GALNT13: variants seen among roughly 807,000 people sequenced by gnomAD.
GALNT13 encodes UDP-GalNAc:polypeptide N-acetylgalactosaminyltransferase 13.
In GALNT13, 28 loss-of-function variants were observed where a neutral mutation model predicts 64.2. The ratio of observed to expected loss-of-function variants is 0.44; its 90% CI spans 0.32 to 0.60. GALNT13 has a LOEUF of 0.60. Among genes scored for constraint, GALNT13 ranks in the 20% least tolerant of loss-of-function variants. The pLI, the probability that GALNT13 is intolerant of heterozygous loss-of-function variation, is 0.05. For synonymous variants in GALNT13, 214 were observed against 224.6 expected, an observed-to-expected ratio of 0.95 and a Z score of 0.42; for missense variants, 577 against 669.8, an observed-to-expected ratio of 0.86 and a Z score of 1.53.
At chr2:154,409,145 GGA>G in intron 11 of GALNT13, 63 bp downstream of exon 11, 1 of 971,368 alleles carries the variant, frequency 1.0e-6, no homozygotes, top group Non-Finnish European at 1.7e-6. Flanking sequence ...AACTATCAGT[GGA>G]GACCATGGCT....
chr2:153,773,590 T>G, the GALNT13 span, among the ~76,000 whole-genome samples: 1 of 152,142 alleles, frequency 6.6e-6, no homozygotes, highest in South Asian at 2.1e-4. Context: ...TTTTTCTAGG[T>G]TTTTTTTCTC....
chr2:153,097,403 T>C, the GALNT13 span, among the ~76,000 whole-genome samples: 1 of 152,318 alleles, frequency 6.6e-6, no homozygotes, highest in African/African-American at 2.4e-5. Context: ...AATGGGATGA[T>C]TGATGGAGCT....
the GALNT13 span, among the ~76,000 whole-genome samples, chr2:153,652,499 C>G: frequency 6.6e-6 from 1 of 152,010 alleles, no homozygotes; most frequent in Non-Finnish European, 1.5e-5. Flanking sequence ...CCTGTAAGCC[C>G]AGCTACTCTG....
At chr2:153,334,672 T>A in the GALNT13 span, among the ~76,000 whole-genome samples, 3 of 152,356 alleles carry the variant, frequency 2.0e-5, no homozygotes, top group Non-Finnish European at 4.4e-5. Flanking sequence ...TATTTCTTTA[T>A]GTTCTATCAC....
the GALNT13 span, among the ~76,000 whole-genome samples, chr2:153,615,062 A>G: frequency 6.6e-6 from 1 of 151,870 alleles, no homozygotes; most frequent in Non-Finnish European, 1.5e-5. Flanking sequence ...CTATCCTTCT[A>G]CCCTCTATCT....
chr2:153,328,853 C>T, the GALNT13 span, among the ~76,000 whole-genome samples: 7 of 151,670 alleles, frequency 4.6e-5, no homozygotes, highest in Non-Finnish European at 8.8e-5. Context: ...CACTGGGGTA[C>T]AGAAAAAAAA....
chr2:153,274,744 A>C, the GALNT13 span, among the ~76,000 whole-genome samples: 1 of 152,168 alleles, frequency 6.6e-6, no homozygotes, highest in Admixed American at 6.5e-5. Context: ...TTTTATTTGA[A>C]GTCACGTTTT....
chr2:154,168,711 T>C (rs916668916), intron 4 of GALNT13, among the ~76,000 whole-genome samples: 1 of 143,218 alleles, frequency 7.0e-6, no homozygotes, highest in Admixed American at 7.1e-5. Context: ...AGCATGGTGG[T>C]GGGTGCCTGT....
the GALNT13 span, among the ~76,000 whole-genome samples, chr2:153,403,208 C>A: frequency 1.3e-5 from 2 of 150,000 alleles, 1 homozygote; most frequent in African/African-American, 4.9e-5. Flanking sequence ...CGGTATGCCC[C>A]TGCTGGGGGG....
intron 3 of GALNT13, among the ~76,000 whole-genome samples, chr2:154,072,216 G>A (rs1002224444): frequency 1.3e-5 from 2 of 152,064 alleles, no homozygotes; most frequent in Non-Finnish European, 2.9e-5. Flanking sequence ...AGAAATTTAT[G>A]CTCATGTTAT....
chr2:153,922,754 A>T (rs1171668438), intron 2 of GALNT13, among the ~76,000 whole-genome samples: 1 of 152,154 alleles, frequency 6.6e-6, no homozygotes, highest in Non-Finnish European at 1.5e-5. Flanking sequence ...TTGTTTTCAG[A>T]AATTGCTTTA....
At chr2:153,166,548 A>G in the GALNT13 span, among the ~76,000 whole-genome samples, 1 of 152,068 alleles carries the variant, frequency 6.6e-6, no homozygotes, top group Non-Finnish European at 1.5e-5. Flanking sequence ...GCAGCAAGAC[A>G]ACTTTAGAGA....
At chr2:153,530,601 C>T in the GALNT13 span, among the ~76,000 whole-genome samples, 5 of 152,052 alleles carry the variant, frequency 3.3e-5, no homozygotes, top group South Asian at 2.1e-4. Flanking sequence ...GGAGCAATCA[C>T]ATTACCTGAC....
chr2:154,314,787 C>CTTCCCATTATT (rs1694240527), intron 9 of GALNT13, among the ~76,000 whole-genome samples: 1 of 152,182 alleles, frequency 6.6e-6, no homozygotes, highest in Non-Finnish European at 1.5e-5. Flanking sequence ...CCTTCCTTCA[C>CTTCCCATTATT]TTCCCATTAG....
rs571916743 is a variant in GALNT13, at chr2:153,961,332, T to C, written c.142+16693T>C. On this transcript the variant is annotated intron_variant, in intron 3 of 12. Coordinates refer to ENST00000392825, the MANE Select transcript of GALNT13 (RefSeq NM_052917.4). Reference sequence around the variant, plus strand: ...TATGAAATTAAGACCAAAAAATCAATAGATGCTATCTGTCCTTTGAAGGCA... The same window carrying C: ...TATGAAATTAAGACCAAAAAATCAACAGATGCTATCTGTCCTTTGAAGGCA... Among the ~76,000 whole-genome samples the C allele has an allele frequency of 6.6e-5, 10 of 152,300 alleles. 1 individual carries two copies. The South Asian group carries it at 2.1e-3, about 32-fold the overall frequency.
chr2:153,222,338 G>T, the GALNT13 span, among the ~76,000 whole-genome samples: 1 of 82,700 alleles, frequency 1.2e-5, no homozygotes, highest in Non-Finnish European at 3.4e-5. Flanking sequence ...GGGGTGGGGG[G>T]GGGGGTTGGG....
At chr2:153,121,564 C>T in the GALNT13 span, among the ~76,000 whole-genome samples, 1 of 152,160 alleles carries the variant, frequency 6.6e-6, no homozygotes, top group African/African-American at 2.4e-5. Context: ...CGGAGTCTCA[C>T]TCTGTTGCCC....
At chr2:153,903,221 A>G (rs894857390) in intron 2 of GALNT13, among the ~76,000 whole-genome samples, 2 of 151,994 alleles carry the variant, frequency 1.3e-5, no homozygotes, top group African/African-American at 2.4e-5. Flanking sequence ...CCTTAGTAGA[A>G]CTTAAAAATG....
intron 3 of GALNT13, among the ~76,000 whole-genome samples, chr2:154,062,640 C>T (rs143322018): frequency 2.7e-4 from 41 of 152,288 alleles, no homozygotes; most frequent in African/African-American, 9.6e-4. Flanking sequence ...AGCTCACTCA[C>T]TATCATGAGA....
Sources: allele counts gnomAD v4.1 joint callset (sites outside exome capture counted in the v4.1 genomes callset), GRCh38; gene constraint gnomAD v4.1.1; transcripts MANE v1.5; gene names NCBI Gene and HGNC (gene_info 2026-07-23, HGNC 2026-07-21).